CCNF: variants seen among roughly 807,000 people sequenced by gnomAD.
CCNF encodes the protein cyclin F, also known as cyclin-F.
In CCNF, 30 loss-of-function variants were observed where a neutral mutation model predicts 85.4. The ratio of observed to expected loss-of-function variants is 0.35; its 90% CI spans 0.26 to 0.48. CCNF has a LOEUF of 0.48. Ranked by LOEUF, CCNF falls within the 20% of genes least tolerant of loss-of-function variation. The probability of loss-of-function intolerance (pLI) is 0.99; values close to 1 mark genes in which losing one functional copy is unlikely to be tolerated. For synonymous variants in CCNF, 439 were observed against 425.1 expected, an observed-to-expected ratio of 1.03 and a Z score of -0.40; for missense variants, 919 against 1,010.4, an observed-to-expected ratio of 0.91 and a Z score of 1.23.
Position 2,457,787 on chromosome 16 carries a change from AT to A in CCNF, c.*769del, listed in dbSNP as rs1297095056. 6.6e-6 allele frequency: 1 copy of A among 152,254 alleles called. No homozygotes were observed. Among genetic ancestry groups the A allele is most frequent in the Non-Finnish European group, 1.5e-5 (1 of 68,054 alleles). The allele number at this position is 152,254 out of a possible 1,614,324, so 9.4% of individuals were successfully genotyped here. ...AAAAGAAAAACTTAAAACAGAAGGT[AT>A]TAAAAAAACAAGAGATTCCCACCAT... On this transcript the variant is annotated 3_prime_UTR_variant, in exon 17 of 17. Transcript: ENST00000397066.
chr16:2,449,170 G>A, intron 11 of CCNF, 112 bp from the exon 12 acceptor site: 2 of 1,454,864 alleles, frequency 1.4e-6, no homozygotes, highest in Non-Finnish European at 1.9e-6. Flanking sequence ...CGCTACGCGT[G>A]CAGCATCGGC....
intron 1 of CCNF, 153 bp from the exon 2 acceptor site, chr16:2,430,977 G>A: frequency 1.2e-6 from 1 of 840,360 alleles, no homozygotes; most frequent in Non-Finnish European, 2.1e-6. Flanking sequence ...CTTTGTTTGG[G>A]ACAAGAAGCA....
chr16:2,436,145 G>T, intron 4 of CCNF: 1 of 364,910 alleles, frequency 2.7e-6, no homozygotes, highest in Non-Finnish European at 5.1e-6. Context: ...CAGAGCCTCA[G>T]CACGGGGGCT....
In CCNF at chr16:2,452,162, C is replaced by T. The variant is rs896228573; in HGVS notation, c.1488-1048C>T. Among the ~76,000 whole-genome samples, 5 of 152,238 alleles carry T rather than the reference C, an allele frequency of 3.3e-5. No individual in the cohort carries two copies. The highest frequency in any genetic ancestry group is 2.6e-4 in the Admixed American group (4 of 15,282). On this transcript the variant is annotated intron_variant, in intron 13 of 16. Transcript: ENST00000397066. The surrounding 1 kb of genome is among the most constrained non-coding windows in gnomAD (Gnocchi z 4.1). ...AGCCGCCCCGCACATGTCCCGTGTA[C>T]GTCACCCAGGGCCTCGCTGTCCGGC...
intron 10 of CCNF, 61 bp downstream of exon 10, chr16:2,445,683 AC>A (rs2065358182): frequency 2.0e-6 from 3 of 1,488,522 alleles, no homozygotes; most frequent in Middle Eastern, 2.4e-4. Flanking sequence ...GTTCAGGGTC[AC>A]CTGCCCTTCA....
chr16:2,449,192 C>T (rs1445531492), intron 11 of CCNF, 90 bp from the exon 12 acceptor site: 1 of 1,521,592 alleles, frequency 6.6e-7, no homozygotes, highest in African/African-American at 1.4e-5. Context: ...TGAACATCAT[C>T]CGGGCCAGAC....
At position 2,439,387 on chromosome 16, in the gene CCNF, T is replaced by C; in HGVS notation, c.629T>C (p.Phe210Ser). 1 of 1,609,996 alleles carries C rather than the reference T, an allele frequency of 6.2e-7. No individual in the cohort carries two copies. The highest frequency in any genetic ancestry group is 1.7e-5 in the Admixed American group (1 of 59,662). Residue 210 changes from phenylalanine to serine, a missense_variant, in exon 7 of 17, where the codon TTT (phenylalanine) becomes TCT (serine). Around this residue, in one of 3 missense-constraint regions of CCNF, gnomAD observed 410 missense variants for 478.6 expected, o/e 0.86. Transcript: ENST00000397066. ...AAGCAGCAGCAGGCCCATGACCTGT[T>C]TGAGGAGGCTGCTCATCAGGGATGT... ...EEKQQQAHDL[F>S]EEAAHQGCLT...
intron 1 of CCNF, among the ~76,000 whole-genome samples, chr16:2,430,650 C>A (rs765990336): frequency 6.6e-6 from 1 of 152,134 alleles, no homozygotes; most frequent in Non-Finnish European, 1.5e-5. Flanking sequence ...CAGGGCCGAC[C>A]CTTCTAATTT....
At chr16:2,438,602 A>G (rs540580520) in intron 6 of CCNF, among the ~76,000 whole-genome samples, 20 of 150,672 alleles carry the variant, frequency 1.3e-4, no homozygotes, top group African/African-American at 4.4e-4. Context: ...AGATTGCACC[A>G]CTGCACTCCA....
chr16:2,438,214 C>T, intron 6 of CCNF, 91 bp downstream of exon 6: 1 of 958,190 alleles, frequency 1.0e-6, no homozygotes, highest in Non-Finnish European at 1.7e-6. Flanking sequence ...AGGGGGTGTC[C>T]AAGGCCCAAA....
intron 16 of CCNF, among the ~76,000 whole-genome samples, 188 bp downstream of exon 16, chr16:2,455,752 C>T (rs1478027684): frequency 6.6e-6 from 1 of 152,154 alleles, no homozygotes; most frequent in Non-Finnish European, 1.5e-5. Context: ...GGAGAGCCCC[C>T]AAAAGACCAC....
At chr16:2,434,390 G>A (rs1038513380) in intron 3 of CCNF, among the ~76,000 whole-genome samples, 11 of 152,162 alleles carry the variant, frequency 7.2e-5, no homozygotes, top group African/African-American at 2.7e-4. Context: ...CAAGGCGGGC[G>A]GATCACGAGG....
chr16:2,433,080 C>G lies in CCNF; in HGVS notation c.278+13C>G. The G allele has an allele frequency of 6.4e-6, 10 of 1,550,958 alleles. No individual in the cohort carries two copies. Among genetic ancestry groups the G allele is most frequent in the African/African-American group, 1.4e-5 (1 of 73,918 alleles). ...AGCTCTTTGAAAGGTATCTCTGCAC[C>G]CTGAGAATGGCTCAGTCTTCTCCTG... On this transcript the variant is annotated intron_variant, in intron 3 of 16. Coordinates refer to ENST00000397066, the MANE Select transcript of CCNF (RefSeq NM_001761.3).
intron 2 of CCNF, 141 bp from the exon 3 acceptor site, chr16:2,432,820 C>G (rs537908514): frequency 8.9e-6 from 5 of 559,296 alleles, no homozygotes; most frequent in Non-Finnish European, 1.6e-5. Context: ...TACTTTCACA[C>G]AGAGATTGGG....
In CCNF at chr16:2,441,717, A is replaced by G. The variant is rs1034092995; in HGVS notation, c.777+1891A>G. Among the ~76,000 whole-genome samples, 3 of 151,094 alleles carry G rather than the reference A, an allele frequency of 2.0e-5. No individual in the cohort carries two copies. In the East Asian group the frequency reaches 6.0e-4, roughly 30 times the overall value. On this transcript the variant is annotated intron_variant, in intron 8 of 16. Transcript: ENST00000397066. ...TTTTTAGTAGAGGTGGGGTTTCACC[A>G]TGTTGGCCAGGCTGGTCTAAAACTC...
intron 3 of CCNF, among the ~76,000 whole-genome samples, chr16:2,433,744 C>G (rs1467278619): frequency 6.6e-6 from 1 of 152,158 alleles, no homozygotes; most frequent in African/African-American, 2.4e-5. Flanking sequence ...CGCTACCACG[C>G]CCATCTAATT....
At chr16:2,439,907 T>G (rs114007390) in intron 8 of CCNF, 81 bp downstream of exon 8, 4 of 1,229,690 alleles carry the variant, frequency 3.3e-6, no homozygotes, top group African/African-American at 3.0e-5. Flanking sequence ...GGCTCCCACA[T>G]TGGGGGGCAG....
intron 5 of CCNF, 112 bp from the exon 6 acceptor site, chr16:2,437,958 G>C (rs1344254437): frequency 1.3e-6 from 1 of 748,086 alleles, no homozygotes; most frequent in African/African-American, 1.7e-5. Context: ...GCAGGGGAGG[G>C]AGGGCCAGAC....
At chr16:2,434,172 G>C (rs986737165) in intron 3 of CCNF, among the ~76,000 whole-genome samples, 2 of 152,038 alleles carry the variant, frequency 1.3e-5, no homozygotes, top group African/African-American at 4.8e-5. Context: ...TGGATGCGGT[G>C]ATGGGCACTT....
Sources: gnomAD v4.1 joint callset for allele counts (sites outside exome capture counted in the v4.1 genomes callset) on GRCh38, gnomAD v4.1.1 for gene constraint, gnomAD v4.1.1 regional missense constraint, Gnocchi (gnomAD v3.1) non-coding constraint, MANE v1.5 for transcripts, NCBI Gene and HGNC (gene_info 2026-07-23, HGNC 2026-07-21) for gene names.